SLC4A4: variants seen among roughly 807,000 people sequenced by gnomAD.
The protein encoded by SLC4A4 is solute carrier family 4 member 4.
In SLC4A4, 27 loss-of-function variants were observed where a neutral mutation model predicts 111.5. That is an observed-to-expected ratio of 0.24 (90% CI 0.18 to 0.33). SLC4A4 has a LOEUF of 0.33. Ranked by LOEUF, SLC4A4 falls within the 10% of genes least tolerant of loss-of-function variation. The pLI, the probability that SLC4A4 is intolerant of heterozygous loss-of-function variation, is 1.00. For synonymous variants in SLC4A4, 443 were observed against 463.4 expected, an observed-to-expected ratio of 0.96 and a Z score of 0.57; for missense variants, 909 against 1,315.5, an observed-to-expected ratio of 0.69 and a Z score of 4.78.
At chr4:71,341,807 C>T (rs1728923364) in intron 4 of SLC4A4, among the ~76,000 whole-genome samples, 1 of 152,028 alleles carries the variant, frequency 6.6e-6, no homozygotes, top group Non-Finnish European at 1.5e-5. Flanking sequence ...TTTTATTCCT[C>T]ACCAAGAGTT....
chr4:71,334,958 G>A (rs1479119490), intron 3 of SLC4A4, among the ~76,000 whole-genome samples: 1 of 152,104 alleles, frequency 6.6e-6, no homozygotes, highest in Non-Finnish European at 1.5e-5. Flanking sequence ...CACATCTTTA[G>A]AAATGGACAA....
At chr4:71,546,930 C>A (rs1735586462) in intron 19 of SLC4A4, among the ~76,000 whole-genome samples, 1 of 151,760 alleles carries the variant, frequency 6.6e-6, no homozygotes, top group South Asian at 2.1e-4. Flanking sequence ...ATTTTCTGTC[C>A]CCATAAACAC....
At chr4:71,308,643 C>T (rs573885961) in intron 3 of SLC4A4, among the ~76,000 whole-genome samples, 5 of 152,286 alleles carry the variant, frequency 3.3e-5, no homozygotes, top group African/African-American at 9.6e-5. Context: ...CCTCCCCTAG[C>T]CAAGGAAAGC....
chr4:71,254,505 A>G (rs1437585925), intron 2 of SLC4A4, among the ~76,000 whole-genome samples: 1 of 152,110 alleles, frequency 6.6e-6, no homozygotes, highest in Non-Finnish European at 1.5e-5. Context: ...GAAATGAAAA[A>G]AGAAAAATGA....
intron 4 of SLC4A4, among the ~76,000 whole-genome samples, chr4:71,343,227 T>G (rs74769040): frequency 1.9e-3 from 291 of 152,290 alleles, no homozygotes; most frequent in African/African-American, 6.5e-3. Context: ...GAAATATTAA[T>G]TGACCAAATC....
chr4:71,214,501 G>T (rs527257479), intron 1 of SLC4A4, among the ~76,000 whole-genome samples: 10 of 152,184 alleles, frequency 6.6e-5, no homozygotes, highest in African/African-American at 2.4e-4. Context: ...TCAGGGATGT[G>T]GTCCCGCCAC....
At chr4:71,533,641 T>C (rs1409751857) in intron 17 of SLC4A4, among the ~76,000 whole-genome samples, 2 of 152,064 alleles carry the variant, frequency 1.3e-5, no homozygotes, top group Non-Finnish European at 2.9e-5. Context: ...TTATAGATCA[T>C]TATTTCATAT....
chr4:71,459,763 A>C (rs1163323305), intron 12 of SLC4A4, among the ~76,000 whole-genome samples: 1 of 152,118 alleles, frequency 6.6e-6, no homozygotes, highest in Non-Finnish European at 1.5e-5. Flanking sequence ...ACACAAGGCT[A>C]TACCAGTTCA....
Position 71,168,596 on chromosome 4 carries a change from T to C in SLC4A4, c.-1-67980T>C, listed in dbSNP as rs180707384. ...TTGTACCCATTAGCCCTCCCCACTT[T>C]CCCCCACCACCCCCACTACCCTTTT... On this transcript the variant is annotated intron_variant, in intron 2 of 26. Coordinates refer to the SLC4A4 transcript ENST00000649996. 4.2e-3 allele frequency among the ~76,000 whole-genome samples: 634 copies of C among 152,048 alleles called. 10 individuals carry two copies. The highest frequency in any genetic ancestry group is 0.014 in the African/African-American group (594 of 41,464).
intron 2 of SLC4A4, among the ~76,000 whole-genome samples, chr4:71,108,779 A>G (rs553709733): frequency 1.3e-4 from 20 of 152,112 alleles, no homozygotes; most frequent in African/African-American, 4.3e-4. Context: ...GAAAGTCTGA[A>G]ATTTTTAATT....
chr4:71,557,566 T>C, intron 21 of SLC4A4, 146 bp from the exon 22 acceptor site: 1 of 761,092 alleles, frequency 1.3e-6, no homozygotes, highest in East Asian at 2.7e-5. Context: ...CTTGACTAAA[T>C]TTCTGCATTC....
intron 22 of SLC4A4, 87 bp downstream of exon 22, chr4:71,557,972 T>C: frequency 1.6e-6 from 2 of 1,238,878 alleles, no homozygotes; most frequent in East Asian, 2.4e-5. Context: ...ATGTCTTTTA[T>C]GTGTTGTTCC....
chr4:71,306,968 TA>T (rs1035786480), intron 3 of SLC4A4, among the ~76,000 whole-genome samples: 7 of 152,212 alleles, frequency 4.6e-5, no homozygotes, highest in African/African-American at 1.7e-4. Flanking sequence ...TTTTAACTGT[TA>T]AAATGACCTC....
intron 16 of SLC4A4, among the ~76,000 whole-genome samples, chr4:71,498,241 C>T (rs187966644): frequency 1.3e-5 from 2 of 152,240 alleles, no homozygotes; most frequent in East Asian, 3.9e-4. Flanking sequence ...GATAATTAAA[C>T]TGGGTTGTGC....
At chr4:71,177,106 T>C (rs984277325) in intron 2 of SLC4A4, among the ~76,000 whole-genome samples, 2 of 151,930 alleles carry the variant, frequency 1.3e-5, no homozygotes, top group African/African-American at 2.4e-5. Context: ...AGAAATAAAA[T>C]CCTTTACAGA....
chr4:71,536,333 A>G (rs1322998614), intron 18 of SLC4A4, among the ~76,000 whole-genome samples: 7 of 151,010 alleles, frequency 4.6e-5, no homozygotes, highest in African/African-American at 7.3e-5. Flanking sequence ...CGTGTAAGAT[A>G]GGAGATGTTT....
intron 1 of SLC4A4, among the ~76,000 whole-genome samples, chr4:71,190,170 A>G (rs1386613623): frequency 6.6e-6 from 1 of 152,196 alleles, no homozygotes; most frequent in Non-Finnish European, 1.5e-5. Flanking sequence ...GGAGGAATAA[A>G]GTTTTATTTG....
chr4:71,552,890 C>T (rs1215543436), intron 20 of SLC4A4, among the ~76,000 whole-genome samples: 1 of 151,684 alleles, frequency 6.6e-6, no homozygotes, highest in Non-Finnish European at 1.5e-5. Context: ...GATGGAGTTC[C>T]ATCTTCTTAA....
At chr4:71,134,013 TTGAGGTATACGGGATGGTGTGCCA>T (rs1469716223) in intron 2 of SLC4A4, among the ~76,000 whole-genome samples, 1 of 152,122 alleles carries the variant, frequency 6.6e-6, no homozygotes, top group Non-Finnish European at 1.5e-5. Context: ...CCTGAATGCA[TTGAGGTATACGGGATGGTGTGCCA>T]AGGAGGTGGG....
Sources: allele counts gnomAD v4.1 joint callset (sites outside exome capture counted in the v4.1 genomes callset), GRCh38; gene constraint gnomAD v4.1.1; transcripts MANE v1.5; gene names NCBI Gene and HGNC (gene_info 2026-07-23, HGNC 2026-07-21).